ENOX1: variants seen among roughly 807,000 people sequenced by gnomAD.
ENOX1 encodes the protein ecto-NOX disulfide-thiol exchanger 1, also known as candidate growth-related and time keeping constitutive hydroquinone (NADH) oxidase.
A neutral mutation model predicts 82.5 loss-of-function variants in ENOX1; 42 were observed. The observed-to-expected ratio is 0.51, with a 90% CI of 0.40 to 0.66. The LOEUF is 0.66. ENOX1 is among the 30% of genes least tolerant of loss of function. ENOX1 has a pLI of 0.00. For synonymous variants in ENOX1, 271 were observed against 282.2 expected (o/e 0.96, Z 0.40); for missense variants, 608 against 811.6 (o/e 0.75, Z 3.05).
At chr13:43,556,999 G>A (rs2079468343) in intron 2 of ENOX1, among the ~76,000 whole-genome samples, 1 of 152,208 alleles carries the variant, frequency 6.6e-6, no homozygotes, top group Admixed American at 6.5e-5. Context: ...TCAATCAGTA[G>A]GAAAAGCCTG....
At chr13:43,671,634 A>C (rs1267810133) in intron 1 of ENOX1, among the ~76,000 whole-genome samples, 1 of 152,156 alleles carries the variant, frequency 6.6e-6, no homozygotes, top group African/African-American at 2.4e-5. Context: ...ATCACAGCCC[A>C]CTACGATTTC....
At chr13:43,462,739 C>A (rs1340403355) in intron 3 of ENOX1, among the ~76,000 whole-genome samples, 2 of 152,180 alleles carry the variant, frequency 1.3e-5, no homozygotes, top group Non-Finnish European at 2.9e-5. Flanking sequence ...GTTAAATAAT[C>A]TTTTCTGCTA....
At chr13:43,412,813 G>C in intron 4 of ENOX1, 32 bp downstream of exon 4, 2 of 1,611,350 alleles carry the variant, frequency 1.2e-6, no homozygotes, top group Non-Finnish European at 1.7e-6. Flanking sequence ...AAAAATCCTT[G>C]TTTGTGTCCT....
At chr13:43,326,769 A>G (rs2048140144) in intron 9 of ENOX1, among the ~76,000 whole-genome samples, 1 of 152,228 alleles carries the variant, frequency 6.6e-6, no homozygotes, top group South Asian at 2.1e-4. Flanking sequence ...GGGCAAGGGC[A>G]TCTACTTCCA....
At chr13:43,708,222 G>A (rs1327379004) in intron 1 of ENOX1, among the ~76,000 whole-genome samples, 2 of 152,196 alleles carry the variant, frequency 1.3e-5, no homozygotes, top group Non-Finnish European at 2.9e-5. Context: ...TGCCTCAAGT[G>A]AGCATGCGTA....
intron 15 of ENOX1, among the ~76,000 whole-genome samples, chr13:43,229,662 G>C (rs546995561): frequency 5.9e-5 from 9 of 152,306 alleles, no homozygotes; most frequent in African/African-American, 2.2e-4. Context: ...TAGAGCAGAG[G>C]GGGAACTGGG....
chr13:43,225,402 C>G (rs896721510), intron 15 of ENOX1, among the ~76,000 whole-genome samples: 1 of 152,200 alleles, frequency 6.6e-6, no homozygotes, highest in Non-Finnish European at 1.5e-5. Context: ...ACGTGTACCC[C>G]TGGATTCTAA....
At chr13:43,582,296 A>G (rs1165888702) in intron 2 of ENOX1, among the ~76,000 whole-genome samples, 1 of 152,192 alleles carries the variant, frequency 6.6e-6, no homozygotes, top group Non-Finnish European at 1.5e-5. Context: ...AAATTCATAG[A>G]TTTAAACAGT....
At position 43,326,490 on chromosome 13, in the gene ENOX1, T is replaced by C. The variant is rs1470223644; in HGVS notation, c.1072A>G (p.Arg358Gly). The change falls in exon 10 of 17, where the codon AGA (arginine) becomes GGA (glycine). Residue 358 changes from arginine to glycine, a missense_variant. Coordinates refer to ENST00000690772, the MANE Select transcript of ENOX1 (RefSeq NM_001347969.2). ...GAGAAATGGTCCCAAGCTTTTTGTC[T>C]GGTAGAAGCGTTGAAAACGGCCACA... is the stretch of plus-strand genomic sequence containing the variant. Reference protein sequence around the residue: ...QIVAVFNASTRQKAWDHFSKA... With the variant: ...QIVAVFNASTGQKAWDHFSKA... The C allele has an allele frequency of 1.9e-6, 3 of 1,614,160 alleles. No homozygotes were observed. The highest frequency in any genetic ancestry group is 2.7e-5 in the African/African-American group (2 of 75,048).
chr13:43,582,058 A>C (rs151057371), intron 2 of ENOX1, among the ~76,000 whole-genome samples: 13 of 152,322 alleles, frequency 8.5e-5, no homozygotes, highest in African/African-American at 3.1e-4. Flanking sequence ...TTATGCCACA[A>C]ATAAAACATC....
rs190471719 is a variant in ENOX1 at position 43,297,227 on chromosome 13, C to A, written c.1446+1119G>T. On this transcript the variant is annotated intron_variant, in intron 12 of 16. Transcript: ENST00000690772. Reference sequence around the variant, plus strand: ...ATCCGTGATTCTTTTTTATACTCTCCCTCTCAATTATTTTTCCCTGTTAGG... The same window carrying A: ...ATCCGTGATTCTTTTTTATACTCTCACTCTCAATTATTTTTCCCTGTTAGG... 3.2e-3 allele frequency among the ~76,000 whole-genome samples: 490 copies of A among 152,162 alleles called. 1 individual carries two copies. The highest frequency in any genetic ancestry group is 0.011 in the African/African-American group (458 of 41,510).
chr13:43,350,934 G>C (rs1478762394), intron 8 of ENOX1, among the ~76,000 whole-genome samples: 1 of 152,170 alleles, frequency 6.6e-6, no homozygotes, highest in African/African-American at 2.4e-5. Context: ...CGGAACGAGG[G>C]AAAACAAGGA....
In ENOX1 at chr13:43,701,656, T is replaced by A. The variant is rs559170080; in HGVS notation, c.-284-34112A>T. 6.4e-4 allele frequency among the ~76,000 whole-genome samples: 98 copies of A among 152,324 alleles called. No individual in the cohort carries two copies. The South Asian group carries it at 0.011, about 17-fold the overall frequency. ...TTTTAAAGAATTTTTAAATTATTTT[T>A]TCCAGAACTATATTTTTGGGATTTT... On this transcript the variant is annotated intron_variant, in intron 1 of 16. Coordinates refer to ENST00000690772, the MANE Select transcript of ENOX1 (RefSeq NM_001347969.2).
intron 1 of ENOX1, among the ~76,000 whole-genome samples, chr13:43,708,617 A>G (rs1345103782): frequency 6.6e-6 from 1 of 152,234 alleles, no homozygotes; most frequent in Non-Finnish European, 1.5e-5. Context: ...AGGACAAATT[A>G]ATTTTCAACA....
chr13:43,281,103 T>C lies in ENOX1; in HGVS notation c.1447-11526A>G, dbSNP rs561954268. 1.7e-4 allele frequency among the ~76,000 whole-genome samples: 26 copies of C among 152,266 alleles called. No homozygotes were observed. In the South Asian group the frequency reaches 3.3e-3, roughly 19 times the overall value. ...GAGGGCTGCATTAGACAGGAACAGT[T>C]TCCCCATAGGCTTTCAACCACCTAT... On this transcript the variant is annotated intron_variant, in intron 12 of 16. Coordinates refer to ENST00000690772, the MANE Select transcript of ENOX1 (RefSeq NM_001347969.2).
chr13:43,223,894 A>G (rs1056078651), intron 16 of ENOX1, among the ~76,000 whole-genome samples, 159 bp downstream of exon 16: 2 of 152,222 alleles, frequency 1.3e-5, no homozygotes, highest in African/African-American at 4.8e-5. Context: ...AAAAGAGGAG[A>G]ACAAGCTGCC....
At chr13:43,631,837 A>C (rs751684574) in intron 2 of ENOX1, among the ~76,000 whole-genome samples, 4 of 152,122 alleles carry the variant, frequency 2.6e-5, no homozygotes, top group Non-Finnish European at 4.4e-5. Context: ...TTTCTTTCTT[A>C]ATCTGGAAAG....
At chr13:43,231,850 G>A (rs868339010) in intron 15 of ENOX1, among the ~76,000 whole-genome samples, 2 of 152,184 alleles carry the variant, frequency 1.3e-5, no homozygotes, top group East Asian at 1.9e-4. Flanking sequence ...TCAGGCCAGC[G>A]TTTCTCAAAA....
intron 5 of ENOX1, among the ~76,000 whole-genome samples, chr13:43,395,334 G>A (rs1298626766): frequency 2.6e-5 from 4 of 152,198 alleles, no homozygotes; most frequent in African/African-American, 9.7e-5. Context: ...CTGGCAACAT[G>A]GTGGAACCCC....
Sources: allele counts gnomAD v4.1 joint callset (sites outside exome capture counted in the v4.1 genomes callset), GRCh38; gene constraint gnomAD v4.1.1; transcripts MANE v1.5; gene names NCBI Gene and HGNC (gene_info 2026-07-23, HGNC 2026-07-21).